CEP164: variants seen among roughly 807,000 people sequenced by gnomAD.
The protein encoded by CEP164 is centrosomal protein 164, also known as centrosomal protein of 164 kDa.
Under a neutral mutation model 182.7 loss-of-function variants are expected in CEP164, and 162 were observed. The ratio of observed to expected loss-of-function variants is 0.89; its 90% CI spans 0.78 to 1.01. CEP164 has a LOEUF of 1.01. Ranked by LOEUF, CEP164 falls within the 50% of genes least tolerant of loss-of-function variation. The pLI, the probability that CEP164 is intolerant of heterozygous loss-of-function variation, is 0.00. For synonymous variants in CEP164, 661 were observed against 690.0 expected (o/e 0.96, Z 0.66); for missense variants, 1,735 against 1,790.4 (o/e 0.97, Z 0.56).
rs199940273 is a variant in CEP164 at position 117,387,252 on chromosome 11, C to T, written c.1774C>T (p.Leu592=). The change falls in exon 15 of 33, where the codon CTA becomes TTA. Residue 592 remains leucine (L), a synonymous_variant. Coordinates refer to ENST00000278935, the MANE Select transcript of CEP164 (RefSeq NM_014956.5). ...APPEQLSEAA[L]KAMEEAVAQV... ...CCCAGAGCAGCTCTCAGAGGCTGCA[C>T]TAAAGGCCATGGAAGAGGCAGTGGC... 1 of 1,614,204 alleles carries T rather than the reference C, an allele frequency of 6.2e-7. No individual in the cohort carries two copies. The highest frequency in any genetic ancestry group is 8.5e-7 in the Non-Finnish European group (1 of 1,180,028).
chr11:117,375,397 AT>A (rs1483950121), intron 10 of CEP164, among the ~76,000 whole-genome samples: 1 of 151,994 alleles, frequency 6.6e-6, no homozygotes, highest in East Asian at 1.9e-4. Context: ...TCACAGGGTT[AT>A]TTTTTCCCCA....
At chr11:117,360,782 A>G (rs1400281664) in intron 5 of CEP164, among the ~76,000 whole-genome samples, 1 of 152,228 alleles carries the variant, frequency 6.6e-6, no homozygotes, top group East Asian at 1.9e-4. Context: ...CCTCAAAGGC[A>G]ACCATTCTGT....
chr11:117,398,906 G>T (rs989611720), intron 27 of CEP164, among the ~76,000 whole-genome samples: 1 of 152,234 alleles, frequency 6.6e-6, no homozygotes, highest in Non-Finnish European at 1.5e-5. Context: ...TTGTCTTGGA[G>T]ATTCTGCTCC....
intron 2 of CEP164, among the ~76,000 whole-genome samples, chr11:117,338,209 C>G (rs932129807): frequency 6.6e-6 from 1 of 152,044 alleles, no homozygotes; most frequent in African/African-American, 2.4e-5. Context: ...GTATGGGGGT[C>G]TGTGCTGCTG....
intron 20 of CEP164, among the ~76,000 whole-genome samples, chr11:117,393,503 G>C (rs1476193114): frequency 6.6e-6 from 1 of 152,148 alleles, no homozygotes; most frequent in Non-Finnish European, 1.5e-5. Context: ...AACTCATTTA[G>C]TCCTCACACC....
intron 15 of CEP164, 104 bp downstream of exon 15, chr11:117,387,516 C>T (rs2044107246): frequency 9.3e-7 from 1 of 1,074,874 alleles, no homozygotes; most frequent in Non-Finnish European, 1.3e-6. Flanking sequence ...CATGGTTCTA[C>T]TAAGACCAAC....
Position 117,411,555 on chromosome 11 carries a change from C to A in CEP164, c.4164-240C>A. Reference sequence around the variant, plus strand: ...GGCGGGAGCAGGCGGATGTGGGAGCCCAGAGCCTTGTATCAGTAGCACCCA... The same window carrying A: ...GGCGGGAGCAGGCGGATGTGGGAGCACAGAGCCTTGTATCAGTAGCACCCA... On this transcript the variant is annotated intron_variant, in intron 31 of 32. Coordinates refer to ENST00000278935, the MANE Select transcript of CEP164 (RefSeq NM_014956.5). This position sits in a 1 kb window ranked among gnomAD's most constrained non-coding sequence, Gnocchi z 4.4. 2.1e-6 allele frequency: 1 copy of A among 472,832 alleles called. No homozygotes were observed. Among genetic ancestry groups the A allele is most frequent in the South Asian group, 2.2e-5 (1 of 45,462 alleles). 29.3% of individuals were successfully genotyped at this position (472,832 alleles called of 1,614,324 possible). A position where few individuals can be genotyped will look rare whatever the true frequency, so the allele number is the denominator to read the frequency against.
chr11:117,396,999 TC>T, intron 26 of CEP164, 91 bp from the exon 27 acceptor site: 1 of 1,167,570 alleles, frequency 8.6e-7, no homozygotes, highest in Non-Finnish European at 1.2e-6. Context: ...TGGTCTGTGC[TC>T]AGGGTTGGCA....
At chr11:117,401,514 C>T (rs1348438253) in intron 27 of CEP164, among the ~76,000 whole-genome samples, 2 of 152,020 alleles carry the variant, frequency 1.3e-5, no homozygotes, top group Non-Finnish European at 2.9e-5. Context: ...AGGGAGGAGT[C>T]CTTTTTCTAT....
chr11:117,355,532 C>T (rs2135527497), intron 5 of CEP164: 1 of 1,274,656 alleles, frequency 7.8e-7, no homozygotes. Flanking sequence ...GGGCCAAAGC[C>T]CCATTCCCAT....
rs934071887 is a variant in CEP164, at chr11:117,412,425, CG to C, written c.*261del. 52 of 352,390 alleles carry C rather than the reference CG, an allele frequency of 1.5e-4. No homozygotes were observed. The highest frequency in any genetic ancestry group is 2.4e-4 in the Non-Finnish European group (46 of 190,244). 21.8% of individuals were successfully genotyped at this position (352,390 alleles called of 1,614,324 possible). A position where few individuals can be genotyped will look rare whatever the true frequency, so the allele number is the denominator to read the frequency against. ...GCAAGCTGATGGCGTGCGGTGGCTG[CG>C]GGGTATCAGGGCCGGGAGCCCTTTG... On this transcript the variant is annotated 3_prime_UTR_variant, in exon 33 of 33. Coordinates refer to ENST00000278935, the MANE Select transcript of CEP164 (RefSeq NM_014956.5).
chr11:117,394,457 GC>G lies in CEP164; in HGVS notation c.2725del (p.Arg909ValfsTer19). 6.2e-7 allele frequency: 1 copy of G among 1,614,128 alleles called. No individual in the cohort carries two copies. Among genetic ancestry groups the G allele is most frequent in the South Asian group, 1.1e-5 (1 of 91,062 alleles). On this transcript the variant is annotated frameshift_variant, in exon 21 of 33. Coordinates refer to ENST00000278935, the MANE Select transcript of CEP164 (RefSeq NM_014956.5). LOFTEE classifies it high-confidence loss of function. The surrounding 1 kb of genome is among the most constrained non-coding windows in gnomAD (Gnocchi z 4.0). ...AGACTGTGAGGCAGGAGCAACACAA[GC>G]GTCTTGAGGACTTGCGGCGCCGGCA... ...LETVRQEQHK[R>X]LEDLRRRHRE...
intron 5 of CEP164, chr11:117,359,511 G>T: frequency 1.0e-6 from 1 of 985,392 alleles, no homozygotes; most frequent in Non-Finnish European, 1.2e-6. Context: ...GCAGAAATGG[G>T]CCCTGCTGGG....
At chr11:117,396,301 G>C in intron 25 of CEP164, 121 bp downstream of exon 25, 1 of 1,160,030 alleles carries the variant, frequency 8.6e-7, no homozygotes, top group South Asian at 1.4e-5. Flanking sequence ...TGGAGCCTCA[G>C]GAGGGGAGGA....
At chr11:117,361,441 C>T (rs547481681) in intron 5 of CEP164, among the ~76,000 whole-genome samples, 2 of 151,822 alleles carry the variant, frequency 1.3e-5, no homozygotes, top group Non-Finnish European at 2.9e-5. Context: ...AGGGTTTCAC[C>T]ATATTGGCCA....
intron 2 of CEP164, among the ~76,000 whole-genome samples, chr11:117,337,913 T>G (rs908118552): frequency 6.6e-6 from 1 of 152,160 alleles, no homozygotes. Flanking sequence ...GTATCCCCAC[T>G]CTGGAACACC....
intron 27 of CEP164, among the ~76,000 whole-genome samples, chr11:117,400,167 G>A (rs1268700178): frequency 1.3e-5 from 2 of 152,150 alleles, no homozygotes; most frequent in Admixed American, 1.3e-4. Context: ...TTTGTATAAG[G>A]TGTAAGGAAG....
intron 9 of CEP164, among the ~76,000 whole-genome samples, chr11:117,373,263 A>G (rs1385878697): frequency 6.6e-6 from 1 of 151,654 alleles, no homozygotes; most frequent in African/African-American, 2.4e-5. Context: ...GCTACTCGGG[A>G]GGCTGAGGCA....
At chr11:117,367,196 A>T (rs1223385981) in intron 8 of CEP164, among the ~76,000 whole-genome samples, 8 of 152,302 alleles carry the variant, frequency 5.3e-5, no homozygotes, top group Non-Finnish European at 1.2e-4. Context: ...GTGAAGGGAG[A>T]TGCTCATGGA....
Sources: allele counts gnomAD v4.1 joint callset (sites outside exome capture counted in the v4.1 genomes callset), GRCh38; gene constraint gnomAD v4.1.1; non-coding constraint Gnocchi (gnomAD v3.1); transcripts MANE v1.5; gene names NCBI Gene and HGNC (gene_info 2026-07-23, HGNC 2026-07-21).